FAM13A: variants seen among roughly 807,000 people sequenced by gnomAD.
The protein encoded by FAM13A is family with sequence similarity 13 member A.
In FAM13A, 76 loss-of-function variants were observed where a neutral mutation model predicts 129.6. The observed-to-expected ratio is 0.59, with a 90% CI of 0.49 to 0.71. The LOEUF (loss-of-function observed/expected upper bound fraction) is 0.71, where lower values mean the gene tolerates loss of function less well. Ranked by LOEUF, FAM13A falls within the 30% of genes least tolerant of loss-of-function variation. The probability of loss-of-function intolerance (pLI) is 0.00; values close to 1 mark genes in which losing one functional copy is unlikely to be tolerated. For missense variants in FAM13A, 1,108 were observed against 1,249.3 expected, an observed-to-expected ratio of 0.89 and a Z score of 1.70; for synonymous variants, 443 against 449.9, an observed-to-expected ratio of 0.98 and a Z score of 0.20.
intron 4 of FAM13A, among the ~76,000 whole-genome samples, chr4:88,950,905 C>T (rs185032420): frequency 6.3e-4 from 96 of 152,272 alleles, no homozygotes; most frequent in Non-Finnish European, 1.5e-4. Flanking sequence ...AACCACAAGA[C>T]CCATAGGCAG....
At chr4:88,978,570 A>G (rs928645019) in intron 4 of FAM13A, among the ~76,000 whole-genome samples, 1 of 152,202 alleles carries the variant, frequency 6.6e-6, no homozygotes, top group Non-Finnish European at 1.5e-5. Flanking sequence ...CGAGGCGGGC[A>G]GATCACAAGG....
chr4:88,947,408 AAAC>A (rs563157432), intron 4 of FAM13A, among the ~76,000 whole-genome samples: 19 of 152,306 alleles, frequency 1.2e-4, no homozygotes, highest in South Asian at 4.1e-4. Flanking sequence ...AACTGTCTCA[AAAC>A]AACAACAACA....
intron 7 of FAM13A, among the ~76,000 whole-genome samples, chr4:88,833,275 A>C (rs1047093740): frequency 1.3e-5 from 2 of 152,100 alleles, no homozygotes; most frequent in African/African-American, 4.8e-5. Context: ...CACGGGGCTT[A>C]ATATGTAGGT....
chr4:88,937,892 T>G (rs1285665120), intron 5 of FAM13A, 196 bp downstream of exon 5: 10 of 575,708 alleles, frequency 1.7e-5, no homozygotes, highest in Non-Finnish European at 2.4e-5. Flanking sequence ...AAAATTGCTA[T>G]TATTCTTGAA....
chr4:88,922,282 A>G (rs1384676507), intron 5 of FAM13A, among the ~76,000 whole-genome samples: 1 of 151,864 alleles, frequency 6.6e-6, no homozygotes, highest in Non-Finnish European at 1.5e-5. Context: ...CTATTCCAAA[A>G]TTGACCACAT....
chr4:88,945,568 C>A (rs1755528549), intron 4 of FAM13A, among the ~76,000 whole-genome samples: 1 of 151,860 alleles, frequency 6.6e-6, no homozygotes, highest in African/African-American at 2.4e-5. Flanking sequence ...AAGGTTGGAT[C>A]TCTCATATCA....
chr4:88,884,954 A>C (rs1744167178), intron 6 of FAM13A, among the ~76,000 whole-genome samples: 1 of 152,198 alleles, frequency 6.6e-6, no homozygotes, highest in Non-Finnish European at 1.5e-5. Flanking sequence ...AGGAGGTGAA[A>C]GACCTCTACA....
chr4:88,745,768 T>C (rs1741184125), intron 19 of FAM13A, among the ~76,000 whole-genome samples: 1 of 152,142 alleles, frequency 6.6e-6, no homozygotes, highest in Non-Finnish European at 1.5e-5. Context: ...AAACAAAGCT[T>C]GGCTGAAACA....
At chr4:89,040,899 A>G (rs905916830) in intron 1 of FAM13A, among the ~76,000 whole-genome samples, 2 of 152,168 alleles carry the variant, frequency 1.3e-5, no homozygotes, top group African/African-American at 4.8e-5. Flanking sequence ...GCAGAGGAAC[A>G]CGGAAGGACT....
chr4:88,975,055 A>C (rs1013508838), intron 4 of FAM13A, among the ~76,000 whole-genome samples: 2 of 152,230 alleles, frequency 1.3e-5, no homozygotes, highest in African/African-American at 4.8e-5. Context: ...AATTTAATAC[A>C]TTTACCAAAT....
At chr4:88,985,156 A>C (rs896170176) in intron 4 of FAM13A, among the ~76,000 whole-genome samples, 1 of 152,226 alleles carries the variant, frequency 6.6e-6, no homozygotes, top group Non-Finnish European at 1.5e-5. Context: ...TGAGCCTTGA[A>C]AACATTTTGC....
chr4:89,040,117 C>T (rs1769919389), intron 1 of FAM13A, among the ~76,000 whole-genome samples: 1 of 152,126 alleles, frequency 6.6e-6, no homozygotes, highest in South Asian at 2.1e-4. Context: ...CTACAGTATT[C>T]CTTATCCTTA....
intron 3 of FAM13A, among the ~76,000 whole-genome samples, chr4:89,008,428 G>A (rs903634615): frequency 1.3e-5 from 2 of 152,140 alleles, no homozygotes; most frequent in African/African-American, 4.8e-5. Flanking sequence ...ACATCTGCAA[G>A]GAAAGAAAAG....
At chr4:88,867,938 G>T (rs551822996) in intron 6 of FAM13A, among the ~76,000 whole-genome samples, 131 of 152,214 alleles carry the variant, frequency 8.6e-4, no homozygotes, top group Non-Finnish European at 1.5e-3. Context: ...AACTATAAAT[G>T]CTTTTTGAAA....
At chr4:88,898,459 T>C (rs1412596694) in intron 6 of FAM13A, among the ~76,000 whole-genome samples, 4 of 152,258 alleles carry the variant, frequency 2.6e-5, no homozygotes, top group Non-Finnish European at 5.9e-5. Flanking sequence ...TAATAGATAG[T>C]TGAAATAATT....
At chr4:89,004,311 G>C (rs547327299) in intron 3 of FAM13A, among the ~76,000 whole-genome samples, 1 of 151,830 alleles carries the variant, frequency 6.6e-6, no homozygotes, top group East Asian at 1.9e-4. Flanking sequence ...GCTAATTTTT[G>C]TATTTTTAGT....
chr4:88,889,237 A>C (rs1004447127), intron 6 of FAM13A, among the ~76,000 whole-genome samples: 1 of 152,170 alleles, frequency 6.6e-6, no homozygotes, highest in African/African-American at 2.4e-5. Context: ...ATACTGCTGA[A>C]GTGTGAATGG....
intron 7 of FAM13A, among the ~76,000 whole-genome samples, chr4:88,815,427 A>G (rs1730537739): frequency 6.6e-6 from 1 of 152,178 alleles, no homozygotes; most frequent in Non-Finnish European, 1.5e-5. Context: ...GTTATAATGT[A>G]CTATACTTTG....
At chr4:88,750,720 TC>T in intron 14 of FAM13A, 83 bp from the exon 15 acceptor site, 1 of 1,031,166 alleles carries the variant, frequency 9.7e-7, no homozygotes, top group Non-Finnish European at 1.5e-6. Context: ...TTCCCAGGCT[TC>T]CCAGATGCTT....
Sources: gnomAD v4.1 joint callset for allele counts (sites outside exome capture counted in the v4.1 genomes callset) on GRCh38, gnomAD v4.1.1 for gene constraint, MANE v1.5 for transcripts, NCBI Gene and HGNC (gene_info 2026-07-23, HGNC 2026-07-21) for gene names.